Variants in EMC4 observed in about 807,000 individuals in gnomAD.
EMC4 encodes ER membrane protein complex subunit 4, also known as cell proliferation-inducing gene 17 protein.
Under a neutral mutation model 24.2 loss-of-function variants are expected in EMC4, and 9 were observed. That is an observed-to-expected ratio of 0.37 (90% CI 0.22 to 0.65). EMC4 has a LOEUF of 0.65. Among genes scored for constraint, EMC4 ranks in the 30% least tolerant of loss-of-function variants. The pLI is 0.59. For synonymous variants in EMC4, 86 were observed against 81.1 expected, an observed-to-expected ratio of 1.06 and a Z score of -0.32; for missense variants, 169 against 234.6, an observed-to-expected ratio of 0.72 and a Z score of 1.83.
chr15:34,230,122 A>G lies in EMC4; in HGVS notation c.*334A>G, dbSNP rs1033272871. 3 of 302,076 alleles carry G rather than the reference A, an allele frequency of 9.9e-6. No homozygotes were observed. The highest frequency in any genetic ancestry group is 2.2e-5 in the African/African-American group (1 of 46,186). 18.7% of individuals were successfully genotyped at this position (302,076 alleles called of 1,614,324 possible). ...AGAACTGTTGCAGCATCTCCTTTCA[A>G]TAAATTAAATGGTTGAGAACAATGC... is the stretch of plus-strand genomic sequence containing the variant. On this transcript the variant is annotated 3_prime_UTR_variant, in exon 5 of 5. Coordinates refer to ENST00000267750, the MANE Select transcript of EMC4 (RefSeq NM_016454.4).
In EMC4 at chr15:34,228,377, C is replaced by T. The variant is rs138615115; in HGVS notation, c.356-52C>T. On this transcript the variant is annotated intron_variant, in intron 3 of 4. Transcript: ENST00000267750. Reference sequence around the variant, plus strand: ...AATTTAATATACAGTTGGCTTGATTCGTATTGGGGGAAAGAGTTCTTTTGG... The same window carrying T: ...AATTTAATATACAGTTGGCTTGATTTGTATTGGGGGAAAGAGTTCTTTTGG... 4.8e-3 allele frequency: 7,556 copies of T among 1,583,212 alleles called. 29 individuals are homozygous for T. Among genetic ancestry groups the T allele is most frequent in the Middle Eastern group, 7.4e-3 (42 of 5,714 alleles).
chr15:34,230,057 A>ACAT lies in EMC4; in HGVS notation c.*270_*272dup. The ACAT allele has an allele frequency of 2.2e-6, 1 of 445,498 alleles. No homozygotes were observed. The highest frequency in any genetic ancestry group is 4.6e-5 in the South Asian group (1 of 21,702). 27.6% of individuals were successfully genotyped at this position (445,498 alleles called of 1,614,324 possible). A position where few individuals can be genotyped will look rare whatever the true frequency, so the allele number is the denominator to read the frequency against. ...TACAGAGCAAAACAACAACAAAAAAACATAACTATGTAAACAAGAGAATAA... is the reference window on the plus strand; with the variant it reads ...TACAGAGCAAAACAACAACAAAAAAACATCATAACTATGTAAACAAGAGAATAA... On this transcript the variant is annotated 3_prime_UTR_variant, in exon 5 of 5. Coordinates refer to ENST00000267750, the MANE Select transcript of EMC4 (RefSeq NM_016454.4).
rs766750739 is a variant in EMC4 at position 34,228,597 on chromosome 15, A to G, written c.516+8A>G. The G allele has an allele frequency of 6.2e-7, 1 of 1,607,144 alleles. No homozygotes were observed. The highest frequency in any genetic ancestry group is 1.1e-5 in the South Asian group (1 of 89,852). On this transcript the variant is annotated splice_region_variant and intron_variant, in intron 4 of 4. Transcript: ENST00000267750. ...TTCATTGAGCCCCCTGAGGTAAGGC[A>G]AAAGAAAAGCTGAATTTTGGGTAGT...
In EMC4 at chr15:34,230,014, C is replaced by CTTTA. The variant is rs899073549; in HGVS notation, c.*230_*233dup. The CTTTA allele has an allele frequency of 1.7e-6, 1 of 574,060 alleles. No individual in the cohort carries two copies. Among genetic ancestry groups the CTTTA allele is most frequent in the East Asian group, 2.9e-5 (1 of 34,068 alleles). 35.6% of individuals were successfully genotyped at this position (574,060 alleles called of 1,614,324 possible). ...CCAAGGCTGAAAATAATGTAGAAAA[C>CTTTA]TTTATTTTTGTTTCCAGTACAGAGC... is the stretch of plus-strand genomic sequence containing the variant. On this transcript the variant is annotated 3_prime_UTR_variant, in exon 5 of 5. Coordinates refer to ENST00000267750, the MANE Select transcript of EMC4 (RefSeq NM_016454.4).
rs1412427515 is a variant in EMC4 at position 34,230,055 on chromosome 15, AAACAT to A, written c.*271_*275del. On this transcript the variant is annotated 3_prime_UTR_variant, in exon 5 of 5. Transcript: ENST00000267750. ...AGTACAGAGCAAAACAACAACAAAA[AAACAT>A]AACTATGTAAACAAGAGAATAACTG... 3 of 445,914 alleles carry A rather than the reference AAACAT, an allele frequency of 6.7e-6. No individual in the cohort carries two copies. The highest frequency in any genetic ancestry group is 6.1e-5 in the African/African-American group (3 of 49,180). The allele number at this position is 445,914 out of a possible 1,614,324, so 27.6% of individuals were successfully genotyped here.
At chr15:34,227,491 CAG>C in intron 2 of EMC4, 200 bp from the exon 3 acceptor site, 1 of 493,142 alleles carries the variant, frequency 2.0e-6, no homozygotes, top group Non-Finnish European at 3.7e-6. Context: ...AAAGGCATAA[CAG>C]ATGGTAAGGA....
At chr15:34,228,649 A>C in intron 4 of EMC4, 60 bp downstream of exon 4, 1 of 1,254,392 alleles carries the variant, frequency 8.0e-7, no homozygotes, top group Non-Finnish European at 1.1e-6. Flanking sequence ...TAGCTGACCT[A>C]CTTGATGGTA....
intron 2 of EMC4, chr15:34,227,483 A>C: frequency 2.2e-6 from 1 of 459,698 alleles, no homozygotes. Flanking sequence ...CTATAGGGAA[A>C]GGCATAACAG....
In EMC4 at chr15:34,229,907, ACT is replaced by A. The variant is rs796849079; in HGVS notation, c.*122_*123del. ...CACTTATGTTAAAAAGAACCAAAAG[ACT>A]CTTTTCTCCATGGTGGGGTGACAGG... On this transcript the variant is annotated 3_prime_UTR_variant, in exon 5 of 5. Coordinates refer to ENST00000267750, the MANE Select transcript of EMC4 (RefSeq NM_016454.4). The A allele has an allele frequency of 0.11, 106,180 of 938,008 alleles. 7,117 individuals are homozygous for A. The highest frequency in any genetic ancestry group is 0.24 in the East Asian group (9,773 of 40,068). The allele number at this position is 938,008 out of a possible 1,614,324, so 58.1% of individuals were successfully genotyped here. A position where few individuals can be genotyped will look rare whatever the true frequency, so the allele number is the denominator to read the frequency against.
rs1250944916 is a variant in EMC4 at position 34,225,702 on chromosome 15, A to G, written c.201+52A>G. On this transcript the variant is annotated intron_variant, in intron 2 of 4. Coordinates refer to ENST00000267750, the MANE Select transcript of EMC4 (RefSeq NM_016454.4). ...CCCATGGGCCAGTCCTGAGTTACAC[A>G]CTCATCCTCTTCTCCTAGGTGGAGT... 3.0e-6 allele frequency: 4 copies of G among 1,347,082 alleles called. No individual in the cohort carries two copies. The Admixed American group carries it at 5.0e-5, about 17-fold the overall frequency. The allele number at this position is 1,347,082 out of a possible 1,614,324, so 83.4% of individuals were successfully genotyped here.
chr15:34,229,867 T>C lies in EMC4; in HGVS notation c.*79T>C. On this transcript the variant is annotated 3_prime_UTR_variant, in exon 5 of 5. Transcript: ENST00000267750. The stretch of plus-strand genomic sequence containing the variant: ...CTTTAAGCCCAGTGGCTCCTCAGCA[T>C]ACTCTTAAACTAATCACTTATGTTA... The C allele has an allele frequency of 7.4e-7, 1 of 1,343,942 alleles. No individual in the cohort carries two copies. Among genetic ancestry groups the C allele is most frequent in the Non-Finnish European group, 1.1e-6 (1 of 934,278 alleles). 83.3% of individuals were successfully genotyped at this position (1,343,942 alleles called of 1,614,324 possible).
intron 2 of EMC4, chr15:34,226,084 G>T (rs1396372079): frequency 9.1e-6 from 3 of 329,548 alleles, no homozygotes; most frequent in Non-Finnish European, 1.8e-5. Flanking sequence ...TACAGACAGG[G>T]TATCACCATG....
chr15:34,229,085 T>A (rs994019568), intron 4 of EMC4: 4 of 155,782 alleles, frequency 2.6e-5, no homozygotes, highest in African/African-American at 9.7e-5. Context: ...TCTCACTCTG[T>A]CGCCCAGGCT....
At chr15:34,225,735 G>GAT (rs1403547416) in intron 2 of EMC4, 85 bp downstream of exon 2, 4 of 1,035,928 alleles carry the variant, frequency 3.9e-6, no homozygotes, top group Non-Finnish European at 6.1e-6. Flanking sequence ...AGTTAACGTA[G>GAT]ATAGCTCTTA....
At chr15:34,229,025 T>C in intron 4 of EMC4, 1 of 170,006 alleles carries the variant, frequency 5.9e-6, no homozygotes, top group East Asian at 1.7e-4. Flanking sequence ...TAGGAGTTTT[T>C]AAGTTATTAT....
intron 3 of EMC4, 82 bp from the exon 4 acceptor site, chr15:34,228,347 A>G (rs1017108511): frequency 2.8e-6 from 4 of 1,443,098 alleles, no homozygotes; most frequent in East Asian, 2.3e-5. Flanking sequence ...GGGTCTGTCT[A>G]TATGAATTTA....
intron 2 of EMC4, 41 bp from the exon 3 acceptor site, chr15:34,227,652 G>C: frequency 6.3e-7 from 1 of 1,596,970 alleles, no homozygotes; most frequent in Non-Finnish European, 8.6e-7. Flanking sequence ...GTGGGACTAA[G>C]GGTAGTGATC....
chr15:34,228,321 T>A, intron 3 of EMC4, 108 bp from the exon 4 acceptor site: 1 of 1,171,856 alleles, frequency 8.5e-7, no homozygotes, highest in Non-Finnish European at 1.2e-6. Flanking sequence ...AATGGTCCTA[T>A]TTGCTGTCTT....
chr15:34,225,235 A>C, intron 1 of EMC4, 35 bp downstream of exon 1: 1 of 1,487,310 alleles, frequency 6.7e-7, no homozygotes, highest in Middle Eastern at 1.7e-4. Flanking sequence ...ATCACTGTTC[A>C]TCCCAGAACT....
Sources: allele counts gnomAD v4.1 joint callset, GRCh38; gene constraint gnomAD v4.1.1; transcripts MANE v1.5; gene names NCBI Gene and HGNC (gene_info 2026-07-23, HGNC 2026-07-21).